The following FMN1 variants were observed in gnomAD, a reference collection of about 807,000 sequenced individuals.
FMN1 encodes formin-1.
FMN1 carries 110 observed loss-of-function variants against 132.4 expected under a neutral mutation model. The observed-to-expected ratio is 0.83, with a 90% CI of 0.71 to 0.97. FMN1 has a LOEUF of 0.97. Among genes scored for constraint, FMN1 ranks in the 50% least tolerant of loss-of-function variants. The pLI is 0.00. For synonymous variants in FMN1, 722 were observed against 651.7 expected, an observed-to-expected ratio of 1.11 and a Z score of -1.64; for missense variants, 1,792 against 1,705.3, an observed-to-expected ratio of 1.05 and a Z score of -0.90.
At chr15:32,807,218 G>C (rs538075964) in intron 17 of FMN1, among the ~76,000 whole-genome samples, 1 of 152,212 alleles carries the variant, frequency 6.6e-6, no homozygotes, top group Non-Finnish European at 1.5e-5. Context: ...TCTAAATGTA[G>C]TATATTTCAA....
chr15:32,818,426 G>A (rs2058114664), intron 17 of FMN1, among the ~76,000 whole-genome samples: 1 of 152,156 alleles, frequency 6.6e-6, no homozygotes, highest in Admixed American at 6.5e-5. Context: ...ACGAGATCTT[G>A]TAGGAAAGAA....
intron 7 of FMN1, among the ~76,000 whole-genome samples, chr15:32,975,619 CAT>C (rs1804005392): frequency 6.6e-6 from 1 of 152,208 alleles, no homozygotes; most frequent in African/African-American, 2.4e-5. Context: ...CTAGAAAACT[CAT>C]AAAACATCCA....
At chr15:32,825,468 A>C (rs1034285377) in intron 17 of FMN1, among the ~76,000 whole-genome samples, 1 of 152,130 alleles carries the variant, frequency 6.6e-6, no homozygotes, top group Non-Finnish European at 1.5e-5. Flanking sequence ...TATGCTTCCT[A>C]TAACTGGCTC....
intron 5 of FMN1, among the ~76,000 whole-genome samples, chr15:33,082,028 T>TGG (rs1939284139): frequency 7.4e-6 from 1 of 134,518 alleles, no homozygotes; most frequent in African/African-American, 2.8e-5. Flanking sequence ...GGGGTGTGTG[T>TGG]GTGTGTGTGT....
At chr15:33,051,837 G>A (rs1441657739) in intron 6 of FMN1, among the ~76,000 whole-genome samples, 2 of 152,164 alleles carry the variant, frequency 1.3e-5, no homozygotes, top group Non-Finnish European at 2.9e-5. Context: ...CAAGACCCCG[G>A]AAGCATACCA....
At chr15:32,853,304 A>T (rs2059051059) in intron 17 of FMN1, among the ~76,000 whole-genome samples, 1 of 152,234 alleles carries the variant, frequency 6.6e-6, no homozygotes, top group African/African-American at 2.4e-5. Context: ...TTATAGTACC[A>T]CATTACACCA....
intron 2 of FMN1, among the ~76,000 whole-genome samples, chr15:33,191,869 A>G (rs1966090881): frequency 6.6e-6 from 1 of 152,224 alleles, no homozygotes; most frequent in Non-Finnish European, 1.5e-5. Context: ...CGTCTCTGCA[A>G]GATCAGGCAA....
At chr15:32,988,089 G>A (rs895461378) in intron 7 of FMN1, among the ~76,000 whole-genome samples, 1 of 137,052 alleles carries the variant, frequency 7.3e-6, no homozygotes, top group South Asian at 2.4e-4. Flanking sequence ...AGGTAATTAG[G>A]TTGCTAATAA....
chr15:32,935,072 C>T (rs970995398), intron 9 of FMN1, among the ~76,000 whole-genome samples: 1 of 151,876 alleles, frequency 6.6e-6, no homozygotes, highest in Admixed American at 6.6e-5. Context: ...CAGGCACGCA[C>T]CACCATGCCT....
chr15:33,185,021 C>T (rs16966391), intron 2 of FMN1, among the ~76,000 whole-genome samples: 22,540 of 152,074 alleles, frequency 0.15, 3,298 homozygotes, highest in African/African-American at 0.38. Flanking sequence ...CTTCACGATA[C>T]CAGACTATGT....
At chr15:32,939,179 C>CA (rs1328803675) in intron 9 of FMN1, among the ~76,000 whole-genome samples, 7 of 152,192 alleles carry the variant, frequency 4.6e-5, no homozygotes, top group Admixed American at 4.6e-4. Context: ...AACAATACTT[C>CA]AGGCTCAAGA....
At chr15:32,995,238 G>T (rs778238608) in intron 7 of FMN1, among the ~76,000 whole-genome samples, 26 of 152,106 alleles carry the variant, frequency 1.7e-4, no homozygotes, top group Non-Finnish European at 3.2e-4. Flanking sequence ...ATAGACACCT[G>T]TAACAGCTTT....
chr15:33,067,108 G>C (rs761176372), intron 5 of FMN1: 10 of 1,613,844 alleles, frequency 6.2e-6, no homozygotes, highest in Middle Eastern at 3.3e-4. Flanking sequence ...TTTTAGAAGA[G>C]GCACTCTCAG....
chr15:32,785,188 G>A lies in FMN1; in HGVS notation c.4131-8269C>T, dbSNP rs1439056326. On this transcript the variant is annotated intron_variant, in intron 19 of 20. Transcript: ENST00000616417. ...TGTGTGTGTGTGTGTGTGTGTGTGTGTGTGTGTGTGTGTATATATATATAT... is the reference window on the plus strand; with the variant it reads ...TGTGTGTGTGTGTGTGTGTGTGTGTATGTGTGTGTGTGTATATATATATAT... Among the ~76,000 whole-genome samples, 58 of 31,300 alleles carry A rather than the reference G, an allele frequency of 1.9e-3. 1 individual carries two copies. The highest frequency in any genetic ancestry group is 6.1e-3 in the African/African-American group (51 of 8,364). The allele number at this position is 31,300 out of a possible 152,430, so 20.5% of individuals were successfully genotyped here.
chr15:32,803,853 C>T (rs1198287229), intron 18 of FMN1, among the ~76,000 whole-genome samples: 1 of 152,202 alleles, frequency 6.6e-6, no homozygotes, highest in African/African-American at 2.4e-5. Context: ...TGAGTCACTT[C>T]TGGATGATTC....
At position 33,044,775 on chromosome 15, in the gene FMN1, G is replaced by C. The variant is rs554080597; in HGVS notation, c.2161+20182C>G. Among the ~76,000 whole-genome samples, 5 of 152,308 alleles carry C rather than the reference G, an allele frequency of 3.3e-5. No individual in the cohort carries two copies. In the South Asian group the frequency reaches 1.0e-3, roughly 32 times the overall value. On this transcript the variant is annotated intron_variant, in intron 6 of 20. Coordinates refer to ENST00000616417, the MANE Select transcript of FMN1 (RefSeq NM_001277313.2). ...TCTGCTGAGAGCTGAAAAGACGACA[G>C]GATGACCAGCTGTACAGAGGAGCTA...
At chr15:32,910,560 AG>A in intron 10 of FMN1, 25 bp from the exon 11 acceptor site, 3 of 1,544,878 alleles carry the variant, frequency 1.9e-6, no homozygotes, top group Non-Finnish European at 1.8e-6. Context: ...AAAAGAAAAG[AG>A]GATAAGGGAT....
intron 10 of FMN1, among the ~76,000 whole-genome samples, chr15:32,919,129 T>C (rs1460017525): frequency 1.3e-5 from 2 of 151,794 alleles, no homozygotes; most frequent in Non-Finnish European, 2.9e-5. Flanking sequence ...GCATGCTCAC[T>C]TGTTCCTTTG....
intron 5 of FMN1, among the ~76,000 whole-genome samples, chr15:33,073,126 C>A (rs2038062809): frequency 6.6e-6 from 1 of 152,106 alleles, no homozygotes; most frequent in Admixed American, 6.6e-5. Context: ...TCTCTAAGGG[C>A]CCCCTTACTC....
Sources: gnomAD v4.1 joint callset for allele counts (sites outside exome capture counted in the v4.1 genomes callset) on GRCh38, gnomAD v4.1.1 for gene constraint, MANE v1.5 for transcripts, NCBI Gene and HGNC (gene_info 2026-07-23, HGNC 2026-07-21) for gene names.